NPTN: variants seen among roughly 807,000 people sequenced by gnomAD.
NPTN encodes neuroplastin.
In NPTN, 5 loss-of-function variants were observed where a neutral mutation model predicts 42.7. The observed-to-expected ratio is 0.12, with a 90% CI of 0.06 to 0.25. The LOEUF (loss-of-function observed/expected upper bound fraction) is 0.25, where lower values mean the gene tolerates loss of function less well. NPTN is among the 10% of genes least tolerant of loss of function. The probability of loss-of-function intolerance (pLI) is 1.00; values close to 1 mark genes in which losing one functional copy is unlikely to be tolerated. For missense variants in NPTN, 307 were observed against 525.4 expected (o/e 0.58, Z 4.06); for synonymous variants, 180 against 201.9 (o/e 0.89, Z 0.92).
intron 1 of NPTN, chr15:73,599,686 A>G (rs2141414311): frequency 6.6e-6 from 1 of 152,152 alleles, no homozygotes; most frequent in East Asian, 1.9e-4. Context: ...AGTTGGTTTT[A>G]TTTATTTTAC....
chr15:73,613,140 AAC>A, intron 1 of NPTN, among the ~76,000 whole-genome samples: 1 of 152,170 alleles, frequency 6.6e-6, no homozygotes, highest in Admixed American at 6.5e-5. Flanking sequence ...TAGGTCAATA[AAC>A]TTCCAATTCT....
chr15:73,599,657 A>AGGGG (rs1896998207), intron 1 of NPTN: 1 of 121,942 alleles, frequency 8.2e-6, no homozygotes, highest in African/African-American at 3.2e-5. Flanking sequence ...GAAGGGAGGG[A>AGGGG]GGGAGGGGAA....
intron 1 of NPTN, among the ~76,000 whole-genome samples, chr15:73,625,197 T>A (rs535424715): frequency 2.0e-5 from 3 of 152,306 alleles, no homozygotes; most frequent in Non-Finnish European, 2.9e-5. Flanking sequence ...ATTTAGAAGG[T>A]CACTATGGTT....
At chr15:73,626,773 G>A (rs1031343607) in intron 1 of NPTN, among the ~76,000 whole-genome samples, 1 of 152,106 alleles carries the variant, frequency 6.6e-6, no homozygotes. Context: ...CTATTGGTAC[G>A]ATTTGGGACT....
In NPTN at chr15:73,569,892, G is replaced by A. The variant is rs1895264347; in HGVS notation, c.1114+258C>T. The A allele has an allele frequency of 2.4e-6, 2 of 849,504 alleles. No homozygotes were observed. The highest frequency in any genetic ancestry group is 2.8e-6 in the Non-Finnish European group (2 of 706,438). The allele number at this position is 849,504 out of a possible 1,614,324, so 52.6% of individuals were successfully genotyped here. A position where few individuals can be genotyped will look rare whatever the true frequency, so the allele number is the denominator to read the frequency against. On this transcript the variant is annotated intron_variant, in intron 6 of 8. Transcript: ENST00000345330. This position sits in a 1 kb window ranked among gnomAD's most constrained non-coding sequence, Gnocchi z 4.1. ...GGCCTGAAAGGCAGATGGGACTAGG[G>A]TTTGGAAAACACCCAAACAGAGGGA...
chr15:73,623,360 T>C (rs904844726), intron 1 of NPTN, among the ~76,000 whole-genome samples: 3 of 152,234 alleles, frequency 2.0e-5, no homozygotes, highest in Non-Finnish European at 4.4e-5. Context: ...CATAGAAGTT[T>C]AGAGCTAGAA....
intron 1 of NPTN, among the ~76,000 whole-genome samples, chr15:73,610,046 T>A (rs1464543059): frequency 6.6e-6 from 1 of 152,126 alleles, no homozygotes; most frequent in Non-Finnish European, 1.5e-5. Flanking sequence ...AATCCCTCCC[T>A]ATTCCTTTCT....
chr15:73,609,492 G>C (rs571149788), intron 1 of NPTN, among the ~76,000 whole-genome samples: 1 of 152,126 alleles, frequency 6.6e-6, no homozygotes, highest in Admixed American at 6.5e-5. Flanking sequence ...TTAGCTGGGC[G>C]TGGTGGTGGG....
At chr15:73,631,536 G>C (rs181367269) in intron 1 of NPTN, among the ~76,000 whole-genome samples, 12 of 152,304 alleles carry the variant, frequency 7.9e-5, no homozygotes, top group Admixed American at 2.6e-4. Context: ...TAGGAATAAT[G>C]AAACAAACTC....
intron 6 of NPTN, among the ~76,000 whole-genome samples, chr15:73,566,149 C>T (rs947581703): frequency 6.6e-6 from 1 of 152,176 alleles, no homozygotes; most frequent in Admixed American, 6.5e-5. Context: ...TTGTTATTGA[C>T]CCAGATGGCC....
In NPTN at chr15:73,633,270, G is replaced by A; in HGVS notation, c.-55C>T. On this transcript the variant is annotated 5_prime_UTR_variant, in exon 1 of 9. Coordinates refer to ENST00000345330, the MANE Select transcript of NPTN (RefSeq NM_012428.4). Reference sequence around the variant, plus strand: ...GGGCCGGGGCCAGAGCCGGGGCCGGGGAAGGGAGGGGAGGGAGGGAGGGGG... The same window carrying A: ...GGGCCGGGGCCAGAGCCGGGGCCGGAGAAGGGAGGGGAGGGAGGGAGGGGG... 1.8e-6 allele frequency: 2 copies of A among 1,104,726 alleles called. No homozygotes were observed. Among genetic ancestry groups the A allele is most frequent in the South Asian group, 3.3e-5 (2 of 60,450 alleles). The allele number at this position is 1,104,726 out of a possible 1,614,324, so 68.4% of individuals were successfully genotyped here. A position where few individuals can be genotyped will look rare whatever the true frequency, so the allele number is the denominator to read the frequency against.
rs777036136 is a variant in NPTN, at chr15:73,567,969, T to C, written c.1114+2181A>G. On this transcript the variant is annotated intron_variant, in intron 6 of 8. Transcript: ENST00000345330. ...ACCCTGCCGTCATCTCTTTTAAGGG[T>C]AGGATTCATTCACTGTCTATAATAA... The C allele has an allele frequency of 7.6e-4, 748 of 985,288 alleles. 1 individual carries two copies. The highest frequency in any genetic ancestry group is 8.6e-4 in the Non-Finnish European group (712 of 829,936). 61.0% of individuals were successfully genotyped at this position (985,288 alleles called of 1,614,324 possible).
At chr15:73,568,418 A>C in intron 6 of NPTN, 1 of 985,480 alleles carries the variant, frequency 1.0e-6, no homozygotes, top group Non-Finnish European at 1.2e-6. Context: ...TTGGCAAAGC[A>C]AAAGCATTCT....
At position 73,610,421 on chromosome 15, in the gene NPTN, T is replaced by C. The variant is rs537754661; in HGVS notation, c.92-13052A>G. On this transcript the variant is annotated intron_variant, in intron 1 of 8. Coordinates refer to ENST00000345330, the MANE Select transcript of NPTN (RefSeq NM_012428.4). ...ACTTTTTACTTCTATGAGATCAACTTTTTTTTAAGCTTCTGCATATGAGTG... is the reference window on the plus strand; with the variant it reads ...ACTTTTTACTTCTATGAGATCAACTCTTTTTTAAGCTTCTGCATATGAGTG... Among the ~76,000 whole-genome samples the C allele has an allele frequency of 8.5e-5, 13 of 152,292 alleles. No individual in the cohort carries two copies. The East Asian group carries it at 2.5e-3, about 29-fold the overall frequency.
At chr15:73,596,103 G>A (rs1335760900) in intron 2 of NPTN, among the ~76,000 whole-genome samples, 1 of 152,172 alleles carries the variant, frequency 6.6e-6, no homozygotes, top group South Asian at 2.1e-4. Flanking sequence ...GAGTCAAACC[G>A]TGAACAGGAA....
chr15:73,585,849 A>T (rs752853559), intron 4 of NPTN, among the ~76,000 whole-genome samples: 2 of 152,164 alleles, frequency 1.3e-5, no homozygotes, highest in Non-Finnish European at 2.9e-5. Context: ...TATAACACGT[A>T]AGTTGTAACT....
At chr15:73,568,222 G>A (rs1895150036) in intron 6 of NPTN, 4 of 985,326 alleles carry the variant, frequency 4.1e-6, no homozygotes, top group South Asian at 4.7e-5. Context: ...TCATAAGCGC[G>A]GTGACTTCTT....
chr15:73,626,036 T>C (rs1260820794), intron 1 of NPTN, among the ~76,000 whole-genome samples: 2 of 152,210 alleles, frequency 1.3e-5, no homozygotes, highest in African/African-American at 4.8e-5. Context: ...TCTTCGACTA[T>C]AATGGACGGA....
chr15:73,561,743 T>G (rs1894680239), intron 8 of NPTN, among the ~76,000 whole-genome samples, 153 bp downstream of exon 8: 1 of 152,168 alleles, frequency 6.6e-6, no homozygotes, highest in African/African-American at 2.4e-5. Context: ...GTCCCTAAAC[T>G]GGGCAGACAG....
Sources: allele counts gnomAD v4.1 joint callset (sites outside exome capture counted in the v4.1 genomes callset), GRCh38; gene constraint gnomAD v4.1.1; non-coding constraint Gnocchi (gnomAD v3.1); transcripts MANE v1.5; gene names NCBI Gene and HGNC (gene_info 2026-07-23, HGNC 2026-07-21).